CA10: variants seen among roughly 807,000 people sequenced by gnomAD.
CA10 encodes the protein carbonic anhydrase-related protein 10.
In CA10, 14 loss-of-function variants were observed where a neutral mutation model predicts 44.2. That is an observed-to-expected ratio of 0.32 (90% CI 0.21 to 0.50). The LOEUF is 0.50. Among genes scored for constraint, CA10 ranks in the 20% least tolerant of loss-of-function variants. CA10 has a pLI of 0.99. For synonymous variants in CA10, 159 were observed against 141.6 expected, an observed-to-expected ratio of 1.12 and a Z score of -0.87; for missense variants, 350 against 409.7, an observed-to-expected ratio of 0.85 and a Z score of 1.26.
rs548244787 is a variant in CA10 at position 52,035,552 on chromosome 17, C to CA, written c.136+36766dup. 7.9e-5 allele frequency among the ~76,000 whole-genome samples: 12 copies of CA among 152,078 alleles called. No homozygotes were observed. In the East Asian group the frequency reaches 1.7e-3, roughly 22 times the overall value. ...GCTGGCAGAGGGCAGCTGCCTCACACAAAAAAACAAAAGACTCACTGAGCT... is the reference window on the plus strand; with the variant it reads ...GCTGGCAGAGGGCAGCTGCCTCACACAAAAAAAACAAAAGACTCACTGAGCT... On this transcript the variant is annotated intron_variant, in intron 2 of 8. Transcript: ENST00000451037.
chr17:51,964,945 C>T (rs1247173660), intron 2 of CA10, among the ~76,000 whole-genome samples: 6 of 151,740 alleles, frequency 4.0e-5, no homozygotes, highest in Non-Finnish European at 3.0e-5. Flanking sequence ...CAAATCCATA[C>T]AAAGGGTCAA....
At position 51,850,300 on chromosome 17, in the gene CA10, C is replaced by T. The variant is rs144853161; in HGVS notation, c.279+80690G>A. Among the ~76,000 whole-genome samples, 8 of 152,224 alleles carry T rather than the reference C, an allele frequency of 5.3e-5. No individual in the cohort carries two copies. The East Asian group carries it at 5.8e-4, about 11-fold the overall frequency. On this transcript the variant is annotated intron_variant, in intron 3 of 8. Coordinates refer to ENST00000451037, the MANE Select transcript of CA10 (RefSeq NM_020178.5). Reference sequence around the variant, plus strand: ...ATAATGTATATAAAGTAGAGGAACACGGAGATCCAGTTTACTGCTTTAACC... The same window carrying T: ...ATAATGTATATAAAGTAGAGGAACATGGAGATCCAGTTTACTGCTTTAACC...
chr17:51,638,058 G>A, intron 6 of CA10, among the ~76,000 whole-genome samples: 1 of 152,214 alleles, frequency 6.6e-6, no homozygotes, highest in East Asian at 1.9e-4. Context: ...CCTTGGCAAA[G>A]ATGCCCTCTC....
At chr17:51,869,294 C>A (rs549842471) in intron 3 of CA10, among the ~76,000 whole-genome samples, 1 of 152,040 alleles carries the variant, frequency 6.6e-6, no homozygotes, top group Non-Finnish European at 1.5e-5. Flanking sequence ...AGGAAAAGAC[C>A]CCAATGTCAT....
chr17:52,038,983 CACTT>C (rs1304686502), intron 2 of CA10, among the ~76,000 whole-genome samples: 1 of 152,110 alleles, frequency 6.6e-6, no homozygotes, highest in African/African-American at 2.4e-5. Flanking sequence ...CTCTTGGCCT[CACTT>C]TCTTTACCTG....
chr17:51,809,794 G>A lies in CA10; in HGVS notation c.280-61976C>T, dbSNP rs575193326. ...GTGCTGGGGTGCAGAAGGGAAGGATGTGCTGGGTTGAGGTTGGGGGTGATT... is the reference window on the plus strand; with the variant it reads ...GTGCTGGGGTGCAGAAGGGAAGGATATGCTGGGTTGAGGTTGGGGGTGATT... On this transcript the variant is annotated intron_variant, in intron 3 of 8. Transcript: ENST00000451037. Among the ~76,000 whole-genome samples, 6 of 152,330 alleles carry A rather than the reference G, an allele frequency of 3.9e-5. No individual in the cohort carries two copies. In the East Asian group the frequency reaches 1.2e-3, roughly 29 times the overall value.
At chr17:52,134,979 C>T in intron 1 of CA10, 1 of 519,052 alleles carries the variant, frequency 1.9e-6, no homozygotes. Flanking sequence ...TGTGCCATCA[C>T]CTTCAACAGG....
intron 1 of CA10, among the ~76,000 whole-genome samples, chr17:52,133,531 A>T (rs1268875944): frequency 6.6e-6 from 1 of 152,156 alleles, no homozygotes; most frequent in Admixed American, 6.5e-5. Flanking sequence ...AAGAAAAAAA[A>T]AACAGTTGCA....
At chr17:52,103,910 T>G (rs188626950) in intron 1 of CA10, among the ~76,000 whole-genome samples, 1 of 152,172 alleles carries the variant, frequency 6.6e-6, no homozygotes, top group Non-Finnish European at 1.5e-5. Context: ...CAGACTGATA[T>G]AGTGAAGCAA....
At chr17:52,027,983 T>C (rs1301016514) in intron 2 of CA10, among the ~76,000 whole-genome samples, 1 of 152,146 alleles carries the variant, frequency 6.6e-6, no homozygotes, top group Non-Finnish European at 1.5e-5. Flanking sequence ...TTGGCTGAGG[T>C]GAGTTCTCTC....
chr17:51,806,558 T>C (rs920738056), intron 3 of CA10, among the ~76,000 whole-genome samples: 15 of 152,258 alleles, frequency 9.9e-5, no homozygotes, highest in Non-Finnish European at 2.2e-4. Flanking sequence ...ATGTTGTTTT[T>C]CCTTCTATTT....
At chr17:51,754,840 A>C (rs1198044715) in intron 3 of CA10, among the ~76,000 whole-genome samples, 3 of 152,154 alleles carry the variant, frequency 2.0e-5, no homozygotes, top group Non-Finnish European at 4.4e-5. Context: ...CATCAGTTCA[A>C]ATAGCTCTTA....
chr17:51,860,244 T>C (rs1979242096), intron 3 of CA10, among the ~76,000 whole-genome samples: 1 of 152,224 alleles, frequency 6.6e-6, no homozygotes, highest in Admixed American at 6.5e-5. Context: ...GATCCAGTGC[T>C]GACCCCATGA....
rs116687219 is a variant in CA10 at position 52,107,222 on chromosome 17, G to A, written c.62-34829C>T. Among the ~76,000 whole-genome samples, 625 of 152,180 alleles carry A rather than the reference G, an allele frequency of 4.1e-3. 5 individuals carry two copies. Among genetic ancestry groups the A allele is most frequent in the African/African-American group, 0.014 (595 of 41,526 alleles). ...CCATGTTAGAAGCCAGGTGCCCTGC[G>A]ATCGAGTCCTAATTTGAGATTTAGT... is the stretch of plus-strand genomic sequence containing the variant. On this transcript the variant is annotated intron_variant, in intron 1 of 8. Transcript: ENST00000451037.
chr17:51,772,403 G>C (rs1222397278), intron 3 of CA10, among the ~76,000 whole-genome samples: 1 of 151,998 alleles, frequency 6.6e-6, no homozygotes, highest in East Asian at 1.9e-4. Flanking sequence ...TGAATGATAC[G>C]AAGCAAAAAA....
chr17:52,080,861 A>C (rs897685457), intron 1 of CA10, among the ~76,000 whole-genome samples: 2 of 152,184 alleles, frequency 1.3e-5, no homozygotes, highest in Non-Finnish European at 2.9e-5. Context: ...AACTTCCCTG[A>C]ATTTCAGAAC....
rs183294951 is a variant in CA10 at position 51,856,510 on chromosome 17, C to T, written c.279+74480G>A. 4.9e-4 allele frequency among the ~76,000 whole-genome samples: 75 copies of T among 152,114 alleles called. No individual in the cohort carries two copies. The South Asian group carries it at 8.1e-3, about 16-fold the overall frequency. On this transcript the variant is annotated intron_variant, in intron 3 of 8. Coordinates refer to ENST00000451037, the MANE Select transcript of CA10 (RefSeq NM_020178.5). Reference sequence around the variant, plus strand: ...GGAGCATAAAAATAATGACAAGGCACGCAAATCACAGATAAACAAGCAGAA... The same window carrying T: ...GGAGCATAAAAATAATGACAAGGCATGCAAATCACAGATAAACAAGCAGAA...
At chr17:51,632,520 C>T (rs1912626584) in intron 8 of CA10, among the ~76,000 whole-genome samples, 1 of 152,190 alleles carries the variant, frequency 6.6e-6, no homozygotes, top group Admixed American at 6.5e-5. Flanking sequence ...CTGGTAATAA[C>T]CACAGCCCTC....
intron 1 of CA10, among the ~76,000 whole-genome samples, chr17:52,102,158 A>G (rs542516582): frequency 9.9e-5 from 15 of 152,258 alleles, no homozygotes; most frequent in African/African-American, 3.6e-4. Context: ...CTAACTCCCT[A>G]TAACACTCTC....
Sources: allele counts gnomAD v4.1 joint callset (sites outside exome capture counted in the v4.1 genomes callset), GRCh38; gene constraint gnomAD v4.1.1; transcripts MANE v1.5; gene names NCBI Gene and HGNC (gene_info 2026-07-23, HGNC 2026-07-21).